The following TRIO variants were observed in gnomAD, a reference collection of about 807,000 sequenced individuals.
The protein encoded by TRIO is trio Rho guanine nucleotide exchange factor, also known as triple functional domain protein.
TRIO carries 58 observed loss-of-function variants against 351.9 expected under a neutral mutation model. That is an observed-to-expected ratio of 0.16 (90% confidence interval 0.13 to 0.21). The LOEUF is 0.21. Ranked by LOEUF, TRIO falls within the 10% of genes least tolerant of loss-of-function variation. The pLI, the probability that TRIO is intolerant of heterozygous loss-of-function variation, is 1.00. For missense variants in TRIO, 3,201 were observed against 4,027.8 expected, an observed-to-expected ratio of 0.79 and a Z score of 5.56; for synonymous variants, 1,758 against 1,595.7, an observed-to-expected ratio of 1.10 and a Z score of -2.42.
At chr5:14,507,550 A>G (rs997578307) in intron 56 of TRIO, among the ~76,000 whole-genome samples, 1 of 151,824 alleles carries the variant, frequency 6.6e-6, no homozygotes, top group African/African-American at 2.4e-5. Context: ...GTGCAGTGGT[A>G]GCTTAGGCGG....
rs1442980488 is a variant in TRIO, at chr5:14,387,530, T to C, written c.3663T>C (p.Val1221=). The C allele has an allele frequency of 6.2e-7, 1 of 1,614,268 alleles. No homozygotes were observed. Among genetic ancestry groups the C allele is most frequent in the Non-Finnish European group, 8.5e-7 (1 of 1,180,046 alleles). The part of the protein sequence containing the change: ...HAHAAEIKKC[V]TAVDKRYRDF... ...ATGCGGCAGAGATAAAAAAATGTGT[T>C]ACTGCTGTGGATAAGAGGTACAGAG... The change falls in exon 22 of 57, where the codon GTT becomes GTC. Residue 1221 remains valine, a synonymous_variant. Transcript: ENST00000344204.
intron 1 of TRIO, among the ~76,000 whole-genome samples, chr5:14,167,042 C>T (rs551396880): frequency 6.6e-6 from 1 of 151,842 alleles, no homozygotes; most frequent in Non-Finnish European, 1.5e-5. Flanking sequence ...TCTAGATTGA[C>T]CAGGCTCCCC....
At chr5:14,460,925 A>G (rs1579722744) in intron 34 of TRIO, 94 bp from the exon 35 acceptor site, 1 of 1,405,542 alleles carries the variant, frequency 7.1e-7, no homozygotes, top group Non-Finnish European at 9.4e-7. Context: ...ATCCAGGCCC[A>G]CTGGCTTCCC....
intron 48 of TRIO, 88 bp downstream of exon 48, chr5:14,488,348 C>T (rs781374651): frequency 3.0e-5 from 44 of 1,478,372 alleles, no homozygotes; most frequent in Non-Finnish European, 3.9e-5. Context: ...CTCACTAACT[C>T]GGCTGCCCAG....
At chr5:14,272,282 G>A (rs766989241) in intron 2 of TRIO, among the ~76,000 whole-genome samples, 2 of 152,134 alleles carry the variant, frequency 1.3e-5, no homozygotes, top group African/African-American at 4.8e-5. Context: ...TATTTTTAAA[G>A]TCTGGGTCTG....
At chr5:14,379,162 T>C (rs973983651) in intron 20 of TRIO, among the ~76,000 whole-genome samples, 1 of 152,180 alleles carries the variant, frequency 6.6e-6, no homozygotes, top group Non-Finnish European at 1.5e-5. Context: ...CCAGCCCTGG[T>C]CTGGGTGCCT....
intron 34 of TRIO, among the ~76,000 whole-genome samples, chr5:14,435,428 A>G (rs1751504279): frequency 6.6e-6 from 1 of 152,102 alleles, no homozygotes; most frequent in African/African-American, 2.4e-5. Context: ...CATCTGCAGC[A>G]TTTCCCCCAC....
chr5:14,405,206 C>G (rs1164330416), intron 31 of TRIO, among the ~76,000 whole-genome samples: 1 of 151,982 alleles, frequency 6.6e-6, no homozygotes, highest in Non-Finnish European at 1.5e-5. Context: ...GTAATGGAGT[C>G]AAGGTGAATC....
intron 1 of TRIO, among the ~76,000 whole-genome samples, chr5:14,219,576 A>G (rs1249703041): frequency 6.6e-6 from 1 of 152,178 alleles, no homozygotes; most frequent in Non-Finnish European, 1.5e-5. Context: ...CAGTGTCTTT[A>G]CCACCAATCC....
intron 5 of TRIO, among the ~76,000 whole-genome samples, chr5:14,292,727 G>C (rs537138733): frequency 1.3e-5 from 2 of 152,342 alleles, no homozygotes; most frequent in East Asian, 3.9e-4. Context: ...CAGAGGATCA[G>C]AGTTTTTAAT....
intron 1 of TRIO, among the ~76,000 whole-genome samples, chr5:14,242,697 C>A (rs892916126): frequency 1.3e-5 from 2 of 152,210 alleles, no homozygotes; most frequent in African/African-American, 4.8e-5. Flanking sequence ...ACCTCAGCCT[C>A]CCGAGTAGCT....
At position 14,403,898 on chromosome 5, in the gene TRIO, CAGGTGGTGGTGGTGAGGGTGT is replaced by C. The variant is rs1748459702; in HGVS notation, c.4717-1929_4717-1909del. 1.0e-3 allele frequency among the ~76,000 whole-genome samples: 44 copies of C among 43,660 alleles called. 1 individual carries two copies. Among genetic ancestry groups the C allele is most frequent in the African/African-American group, 3.6e-3 (36 of 9,886 alleles). 28.6% of individuals were successfully genotyped at this position (43,660 alleles called of 152,430 possible). A position where few individuals can be genotyped will look rare whatever the true frequency, so the allele number is the denominator to read the frequency against. On this transcript the variant is annotated intron_variant, in intron 31 of 56. Transcript: ENST00000344204. ...GAGGGTGCAGGTGGTGGTGAGGGTGCAGGTGGTGGTGGTGAGGGTGTAGGTGGTGGTGGTGAGGGTGCAGGT... is the reference window on the plus strand; with the variant it reads ...GAGGGTGCAGGTGGTGGTGAGGGTGCAGGTGGTGGTGGTGAGGGTGCAGGT...
chr5:14,250,479 C>A (rs1184128212), intron 1 of TRIO, among the ~76,000 whole-genome samples: 1 of 152,164 alleles, frequency 6.6e-6, no homozygotes, highest in African/African-American at 2.4e-5. Flanking sequence ...TCTTGTACAG[C>A]GCTATGGAGC....
chr5:14,459,940 C>T lies in TRIO; in HGVS notation c.5204-1079C>T, dbSNP rs185896518. ...TTTCTTTTTTCTTTTTTTGGGGATG[C>T]AGTTTCGCTCTGTCGTTCCGGCTGG... On this transcript the variant is annotated intron_variant, in intron 34 of 56. Coordinates refer to ENST00000344204, the MANE Select transcript of TRIO (RefSeq NM_007118.4). 2.0e-5 allele frequency among the ~76,000 whole-genome samples: 3 copies of T among 151,712 alleles called. No homozygotes were observed. In the East Asian group the frequency reaches 5.8e-4, roughly 29 times the overall value.
In TRIO at chr5:14,394,101, C is replaced by A; in HGVS notation, c.4282C>A (p.Arg1428=). The A allele has an allele frequency of 6.2e-7, 1 of 1,612,426 alleles. No homozygotes were observed. The highest frequency in any genetic ancestry group is 2.2e-5 in the East Asian group (1 of 44,820). The change falls in exon 28 of 57, where the codon CGA becomes AGA. Residue 1428 remains arginine, a synonymous_variant. Coordinates refer to ENST00000344204, the MANE Select transcript of TRIO (RefSeq NM_007118.4). ...ISSYLIKPVQ[R]ITKYQLLLKE... is the part of the protein sequence containing the mutation. Reference sequence around the variant, plus strand: ...TTCCTACCTTATTAAACCAGTTCAGCGAATAACGAAGTATCAGCTCCTTTT... The same window carrying A: ...TTCCTACCTTATTAAACCAGTTCAGAGAATAACGAAGTATCAGCTCCTTTT...
intron 8 of TRIO, among the ~76,000 whole-genome samples, chr5:14,304,864 T>C (rs1738224139): frequency 6.6e-6 from 1 of 152,196 alleles, no homozygotes; most frequent in African/African-American, 2.4e-5. Flanking sequence ...AGTCTTTTTT[T>C]CTACATGTAT....
In TRIO at chr5:14,316,602, C is replaced by T; in HGVS notation, c.1590C>T (p.Tyr530=). ...ATTCCCTGACAGCCTCTGCCAACTA[C>T]TCCAAGGCCGTGCACCATGTCCTGG... ...SSDSLTASAN[Y]SKAVHHVLDV... The change falls in exon 9 of 57, where the codon TAC becomes TAT. Residue 530 remains tyrosine (Y), a synonymous_variant. Transcript: ENST00000344204. 1 of 1,614,248 alleles carries T rather than the reference C, an allele frequency of 6.2e-7. No homozygotes were observed. The highest frequency in any genetic ancestry group is 8.5e-7 in the Non-Finnish European group (1 of 1,180,048).
At chr5:14,340,430 C>T (rs1579370709) in intron 11 of TRIO, among the ~76,000 whole-genome samples, 1 of 151,118 alleles carries the variant, frequency 6.6e-6, no homozygotes, top group South Asian at 2.1e-4. Flanking sequence ...AGTAGCTTGT[C>T]TTTTTCATTT....
chr5:14,448,385 G>A (rs759727481), intron 34 of TRIO, among the ~76,000 whole-genome samples: 2 of 152,320 alleles, frequency 1.3e-5, no homozygotes, highest in Non-Finnish European at 2.9e-5. Context: ...CTGCATCCTC[G>A]CCCTCAGCCT....
Sources: allele counts gnomAD v4.1 joint callset (sites outside exome capture counted in the v4.1 genomes callset), GRCh38; gene constraint gnomAD v4.1.1; transcripts MANE v1.5; gene names NCBI Gene and HGNC (gene_info 2026-07-23, HGNC 2026-07-21).